SH3GL2: variants seen among roughly 807,000 people sequenced by gnomAD.
The protein encoded by SH3GL2 is SH3 domain containing GRB2 like 2, endophilin A1, also known as endophilin-A1.
In SH3GL2, 24 loss-of-function variants were observed where a neutral mutation model predicts 46.0. The observed-to-expected ratio is 0.52, with a 90% CI of 0.38 to 0.73. SH3GL2 has a LOEUF of 0.73. SH3GL2 is among the 30% of genes least tolerant of loss of function. The pLI is 0.00. For synonymous variants in SH3GL2, 196 were observed against 147.1 expected (o/e 1.33, Z -2.40); for missense variants, 413 against 424.2 (o/e 0.97, Z 0.23).
chr9:17,634,939 T>A (rs1359999642), intron 1 of SH3GL2, among the ~76,000 whole-genome samples: 13 of 152,202 alleles, frequency 8.5e-5, no homozygotes, highest in Non-Finnish European at 1.9e-4. Flanking sequence ...TCAGTGCCAG[T>A]ACTTGTGATG....
intron 1 of SH3GL2, among the ~76,000 whole-genome samples, chr9:17,737,506 C>A (rs150337711): frequency 1.5e-4 from 23 of 152,024 alleles, no homozygotes; most frequent in Non-Finnish European, 2.2e-4. Flanking sequence ...ATCACATATA[C>A]GCAGTTTGCA....
At chr9:17,691,407 T>G (rs955401145) in intron 1 of SH3GL2, among the ~76,000 whole-genome samples, 9 of 152,118 alleles carry the variant, frequency 5.9e-5, no homozygotes, top group Non-Finnish European at 1.0e-4. Context: ...TAATAGAAAA[T>G]TAGATAGTAA....
At chr9:17,734,961 A>G (rs776369099) in intron 1 of SH3GL2, among the ~76,000 whole-genome samples, 2 of 152,120 alleles carry the variant, frequency 1.3e-5, no homozygotes, top group Non-Finnish European at 2.9e-5. Context: ...TGGGATATAA[A>G]TGATATCTTT....
chr9:17,666,230 GTTCT>G (rs1820338001), intron 1 of SH3GL2, among the ~76,000 whole-genome samples: 1 of 151,676 alleles, frequency 6.6e-6, no homozygotes, highest in African/African-American at 2.4e-5. Context: ...ATGTTACTGT[GTTCT>G]TTATTTGAAA....
intron 1 of SH3GL2, among the ~76,000 whole-genome samples, chr9:17,640,456 C>G (rs976595623): frequency 2.0e-5 from 3 of 151,568 alleles, no homozygotes; most frequent in Non-Finnish European, 2.9e-5. Context: ...GTTTATGGGA[C>G]ACATTTTTTT....
intron 1 of SH3GL2, among the ~76,000 whole-genome samples, chr9:17,702,968 G>A (rs1237691058): frequency 2.0e-5 from 3 of 151,984 alleles, no homozygotes; most frequent in Admixed American, 6.6e-5. Flanking sequence ...ATCTTGCTCT[G>A]ACCTGAAAGA....
At chr9:17,715,210 G>A (rs1476669019) in intron 1 of SH3GL2, among the ~76,000 whole-genome samples, 1 of 142,118 alleles carries the variant, frequency 7.0e-6, no homozygotes, top group African/African-American at 2.6e-5. Context: ...TTTTTTTTTA[G>A]ATGGGTTCTC....
intron 1 of SH3GL2, among the ~76,000 whole-genome samples, chr9:17,594,507 A>G (rs756921195): frequency 1.3e-5 from 2 of 152,068 alleles, no homozygotes; most frequent in African/African-American, 4.8e-5. Flanking sequence ...GTGGGAGAGC[A>G]TCAGGACAAA....
intron 1 of SH3GL2, among the ~76,000 whole-genome samples, chr9:17,745,113 C>A (rs1822643543): frequency 6.6e-6 from 1 of 152,180 alleles, no homozygotes; most frequent in Non-Finnish European, 1.5e-5. Context: ...GCAACCCTCT[C>A]TTTTCTCATC....
At chr9:17,776,668 C>CTTT (rs10660060) in intron 3 of SH3GL2, among the ~76,000 whole-genome samples, 88,878 of 147,356 alleles carry the variant, frequency 0.6, 26,967 homozygotes, top group East Asian at 0.84. Flanking sequence ...AATGTCCCAT[C>CTTT]TTTTTTTTTT....
intron 1 of SH3GL2, among the ~76,000 whole-genome samples, chr9:17,579,827 G>T (rs1403050708): frequency 1.3e-5 from 2 of 152,188 alleles, no homozygotes; most frequent in African/African-American, 4.8e-5. Context: ...GGGAATGGAA[G>T]GCTGGGGTCT....
At chr9:17,776,668 C>CTTTTT (rs10660060) in intron 3 of SH3GL2, among the ~76,000 whole-genome samples, 16 of 147,552 alleles carry the variant, frequency 1.1e-4, no homozygotes, top group East Asian at 5.9e-4. Context: ...AATGTCCCAT[C>CTTTTT]TTTTTTTTTT....
chr9:17,619,469 G>A (rs977857316), intron 1 of SH3GL2, among the ~76,000 whole-genome samples: 3 of 152,156 alleles, frequency 2.0e-5, no homozygotes, highest in Admixed American at 6.5e-5. Context: ...CCTGAGGTCA[G>A]GAGTTCAAGA....
intron 1 of SH3GL2, chr9:17,735,654 C>A: frequency 3.1e-6 from 1 of 326,070 alleles, no homozygotes; most frequent in Non-Finnish European, 4.4e-6. Context: ...TTTTGGTAGA[C>A]ACAGGGGTTC....
intron 1 of SH3GL2, among the ~76,000 whole-genome samples, chr9:17,669,089 A>G (rs1201172193): frequency 2.0e-5 from 3 of 152,152 alleles, no homozygotes; most frequent in Non-Finnish European, 4.4e-5. Flanking sequence ...TAATACCATG[A>G]TTTTTTTAAT....
In SH3GL2 at chr9:17,579,230, G is replaced by A. The variant is rs1474819757; in HGVS notation, c.-13G>A. The A allele has an allele frequency of 6.5e-7, 1 of 1,547,110 alleles. No homozygotes were observed. ...CCTCCCGCACAGCAGCCGCCAGCGC[G>A]GCCTCCTGCACCATGTCGGTGGCCG... is the stretch of plus-strand genomic sequence containing the variant. On this transcript the variant is annotated 5_prime_UTR_variant, in exon 1 of 9. Transcript: ENST00000380607.
chr9:17,585,631 A>G (rs1818361291), intron 1 of SH3GL2, among the ~76,000 whole-genome samples: 1 of 152,210 alleles, frequency 6.6e-6, no homozygotes, highest in African/African-American at 2.4e-5. Context: ...AGGTGGGAGC[A>G]GAGAGAGCAA....
intron 1 of SH3GL2, among the ~76,000 whole-genome samples, chr9:17,686,701 A>G (rs1408316820): frequency 6.9e-6 from 1 of 145,040 alleles, no homozygotes; most frequent in African/African-American, 2.5e-5. Flanking sequence ...AAAAAACCAA[A>G]CACCGCATAT....
intron 3 of SH3GL2, among the ~76,000 whole-genome samples, chr9:17,780,512 G>A (rs1242589978): frequency 4.8e-5 from 7 of 145,330 alleles, no homozygotes; most frequent in African/African-American, 1.5e-4. Context: ...TAAGTTTTAG[G>A]GTACATGTGC....
Sources: gnomAD v4.1 joint callset for allele counts (sites outside exome capture counted in the v4.1 genomes callset) on GRCh38, gnomAD v4.1.1 for gene constraint, MANE v1.5 for transcripts, NCBI Gene and HGNC (gene_info 2026-07-23, HGNC 2026-07-21) for gene names.